Variants in VWF observed in about 807,000 individuals in gnomAD.
VWF encodes the protein von Willebrand factor, also known as Factor VIII related antigen.
A neutral mutation model predicts 308.6 loss-of-function variants in VWF; 176 were observed. That is an observed-to-expected ratio of 0.57 (90% CI 0.50 to 0.65). The LOEUF is 0.65. Ranked by LOEUF, VWF falls within the 30% of genes least tolerant of loss-of-function variation. VWF has a pLI of 0.00. For synonymous variants in VWF, 1,385 were observed against 1,443.4 expected, an observed-to-expected ratio of 0.96 and a Z score of 0.92; for missense variants, 3,146 against 3,648.2, an observed-to-expected ratio of 0.86 and a Z score of 3.55.
chr12:5,959,098 G>A (rs1322709982), intron 47 of VWF, among the ~76,000 whole-genome samples: 2 of 151,900 alleles, frequency 1.3e-5, no homozygotes, highest in Non-Finnish European at 2.9e-5. Flanking sequence ...TCTCAGCTAG[G>A]TGGGAGGCTG....
chr12:5,962,986 A>G (rs1376232114), intron 47 of VWF, among the ~76,000 whole-genome samples: 1 of 152,228 alleles, frequency 6.6e-6, no homozygotes, highest in Non-Finnish European at 1.5e-5. Context: ...TTCCTCATGG[A>G]TCATAGACCT....
At chr12:6,071,959 A>AC (rs1944787029) in intron 9 of VWF, among the ~76,000 whole-genome samples, 1 of 152,082 alleles carries the variant, frequency 6.6e-6, no homozygotes, top group Non-Finnish European at 1.5e-5. Flanking sequence ...ACTTCCTACC[A>AC]CCTAGCAGAT....
At chr12:6,100,915 G>C (rs1945155445) in intron 5 of VWF, among the ~76,000 whole-genome samples, 1 of 151,816 alleles carries the variant, frequency 6.6e-6, no homozygotes, top group Non-Finnish European at 1.5e-5. Context: ...GAAAGACACA[G>C]AAATAGCAAG....
In VWF at chr12:5,994,034, G is replaced by T. The variant is rs1220334524; in HGVS notation, c.6426C>A (p.Leu2142=). The T allele has an allele frequency of 6.2e-7, 1 of 1,614,190 alleles. No homozygotes were observed. The highest frequency in any genetic ancestry group is 1.7e-5 in the Admixed American group (1 of 60,022). ...LVPDSSHCQV[L]LLPLFAECHK... The stretch of plus-strand genomic sequence containing the variant: ...GGCATTCAGCAAACAGTGGTAAGAG[G>T]AGGACCTGGCAGTGGGAGCTGTCGG... Residue 2142 remains leucine, a synonymous_variant, in exon 37 of 52, where the codon CTC becomes CTA. Transcript: ENST00000261405.
chr12:5,950,256 G>C (rs1375912127), intron 50 of VWF, among the ~76,000 whole-genome samples: 1 of 152,174 alleles, frequency 6.6e-6, no homozygotes, highest in Non-Finnish European at 1.5e-5. Flanking sequence ...AATGGGCAAT[G>C]AAGTAGTCAA....
At chr12:6,107,503 A>C (rs1269980470) in intron 5 of VWF, among the ~76,000 whole-genome samples, 1 of 152,228 alleles carries the variant, frequency 6.6e-6, no homozygotes. Context: ...ATCACATAGA[A>C]AGGTTGAAAG....
chr12:6,007,319 A>G (rs1208412875), intron 34 of VWF, among the ~76,000 whole-genome samples: 1 of 152,224 alleles, frequency 6.6e-6, no homozygotes, highest in African/African-American at 2.4e-5. Context: ...AATAGCTCAC[A>G]TGCTAGCCCA....
intron 22 of VWF, among the ~76,000 whole-genome samples, chr12:6,029,104 G>A (rs1319717760): frequency 2.0e-5 from 3 of 151,376 alleles, no homozygotes; most frequent in Non-Finnish European, 4.4e-5. Context: ...AAAAAAGCAG[G>A]GGTTGCAATC....
At chr12:6,118,263 G>A (rs1945390991) in intron 3 of VWF, among the ~76,000 whole-genome samples, 1 of 152,058 alleles carries the variant, frequency 6.6e-6, no homozygotes, top group South Asian at 2.1e-4. Context: ...CCCGTCTCGG[G>A]GCAGGGAGTC....
chr12:5,983,902 T>G (rs1263546146), intron 40 of VWF, among the ~76,000 whole-genome samples: 1 of 150,966 alleles, frequency 6.6e-6, no homozygotes, highest in African/African-American at 2.4e-5. Context: ...AGAGACAGGA[T>G]AGATGATAAA....
intron 6 of VWF, among the ~76,000 whole-genome samples, chr12:6,093,296 A>T (rs12317079): frequency 2.6e-5 from 4 of 151,744 alleles, no homozygotes; most frequent in African/African-American, 9.7e-5. Flanking sequence ...AGGGCTCACC[A>T]CTGAGTCATT....
chr12:6,054,778 T>C (rs570507856), intron 15 of VWF, among the ~76,000 whole-genome samples: 2 of 116,166 alleles, frequency 1.7e-5, no homozygotes, highest in African/African-American at 2.8e-5. Context: ...GTGTCTCCAA[T>C]TGATGTGACC....
chr12:6,019,002 G>A lies in VWF; in HGVS notation c.4416C>T (p.Asp1472=). The change falls in exon 28 of 52, where the codon GAC becomes GAT. Residue 1472 remains aspartate (D), a synonymous_variant. Coordinates refer to ENST00000261405, the MANE Select transcript of VWF (RefSeq NM_000552.5). This position sits in a 1 kb window ranked among gnomAD's most constrained non-coding sequence, Gnocchi z 5.8. ...PEAPPPTLPP[D]MAQVTVGPGL... is the part of the protein sequence containing the mutation. ...CCGGGCCCACAGTGACTTGTGCCATGTCGGGGGGCAGAGTAGGAGGAGGGG... is the reference window on the plus strand; with the variant it reads ...CCGGGCCCACAGTGACTTGTGCCATATCGGGGGGCAGAGTAGGAGGAGGGG... 4 of 1,613,942 alleles carry A rather than the reference G, an allele frequency of 2.5e-6. No homozygotes were observed. The highest frequency in any genetic ancestry group is 3.4e-6 in the Non-Finnish European group (4 of 1,179,856).
chr12:5,952,270 C>G, intron 49 of VWF, 121 bp downstream of exon 49: 1 of 1,375,180 alleles, frequency 7.3e-7, no homozygotes, highest in Non-Finnish European at 1.0e-6. Flanking sequence ...GATTCTTCAA[C>G]TAGGCCAGAG....
At chr12:6,027,884 C>CACACACACACA (rs1565835390) in intron 22 of VWF, among the ~76,000 whole-genome samples, 1 of 106,904 alleles carries the variant, frequency 9.4e-6, no homozygotes, top group African/African-American at 3.6e-5. Flanking sequence ...ACACACACAC[C>CACACACACACA]CCTAAACAAA....
At position 5,964,110 on chromosome 12, in the gene VWF, A is replaced by G. The variant is rs371150716; in HGVS notation, c.7887+3376T>C. Among the ~76,000 whole-genome samples, 731 of 152,104 alleles carry G rather than the reference A, an allele frequency of 4.8e-3. 5 individuals carry two copies. Among genetic ancestry groups the G allele is most frequent in the Non-Finnish European group, 4.9e-3 (336 of 67,934 alleles). On this transcript the variant is annotated intron_variant, in intron 47 of 51. Transcript: ENST00000261405. ...TGGGCGCCTGTAGTCCCAGCTACTC[A>G]GGAGGCTGAGGCAGGAGAATGGCGT...
intron 6 of VWF, among the ~76,000 whole-genome samples, chr12:6,094,074 C>T (rs888549903): frequency 2.6e-5 from 4 of 152,204 alleles, no homozygotes; most frequent in African/African-American, 9.7e-5. Context: ...AGCCCAAAGA[C>T]AGGGAATGCC....
chr12:5,967,978 C>T (rs1451692284), intron 46 of VWF, 149 bp downstream of exon 46: 7 of 1,135,398 alleles, frequency 6.2e-6, no homozygotes, highest in Non-Finnish European at 8.9e-6. Flanking sequence ...TCCATGATGC[C>T]AGGCACGTCC....
At chr12:6,032,368 G>GCA (rs1944275178) in intron 20 of VWF, among the ~76,000 whole-genome samples, 2 of 150,214 alleles carry the variant, frequency 1.3e-5, no homozygotes, top group South Asian at 2.1e-4. Flanking sequence ...GGCCGGGCAT[G>GCA]GTGGCCCACG....
Sources: allele counts gnomAD v4.1 joint callset (sites outside exome capture counted in the v4.1 genomes callset), GRCh38; gene constraint gnomAD v4.1.1; non-coding constraint Gnocchi (gnomAD v3.1); transcripts MANE v1.5; gene names NCBI Gene and HGNC (gene_info 2026-07-23, HGNC 2026-07-21).